The following DOCK2 variants were observed in gnomAD, a reference collection of about 807,000 sequenced individuals.
The protein encoded by DOCK2 is dedicator of cytokinesis 2, also known as dedicator of cytokinesis protein 2.
In DOCK2, 87 loss-of-function variants were observed where a neutral mutation model predicts 248.9. That is an observed-to-expected ratio of 0.35 (90% CI 0.29 to 0.42). The LOEUF is 0.42. Ranked by LOEUF, DOCK2 falls within the 10% of genes least tolerant of loss-of-function variation. The pLI is 1.00. For synonymous variants in DOCK2, 805 were observed against 821.6 expected (o/e 0.98, Z 0.35); for missense variants, 1,747 against 2,300.2 (o/e 0.76, Z 4.92).
chr5:169,830,437 C>T (rs1769151051), intron 26 of DOCK2, among the ~76,000 whole-genome samples: 1 of 152,150 alleles, frequency 6.6e-6, no homozygotes. Flanking sequence ...CAGCCCATTG[C>T]CCAGCACATA....
intron 32 of DOCK2, 124 bp from the exon 33 acceptor site, chr5:170,018,836 A>G (rs1397632885): frequency 4.8e-6 from 6 of 1,248,388 alleles, no homozygotes; most frequent in African/African-American, 1.5e-5. Flanking sequence ...GTAAACAACT[A>G]TATAAGTGTT....
intron 27 of DOCK2, among the ~76,000 whole-genome samples, chr5:169,852,587 G>A (rs1168014920): frequency 6.6e-6 from 1 of 152,158 alleles, no homozygotes; most frequent in Non-Finnish European, 1.5e-5. Context: ...GCTAGTAATG[G>A]TCATTACCTG....
rs752662425 is a variant in DOCK2 at position 170,019,001 on chromosome 5, A to G, written c.3274A>G (p.Ile1092Val). The change falls in exon 33 of 52, where the codon ATA (isoleucine) becomes GTA (valine). Residue 1092 changes from isoleucine (I) to valine (V), a missense_variant. Physicochemically the swap from Ile to Val is conservative, Grantham distance 29. Around this residue, in one of 4 missense-constraint regions of DOCK2, gnomAD observed 858 missense variants for 1,183.5 expected, o/e 0.72. Coordinates refer to ENST00000520908, the MANE Select transcript of DOCK2 (RefSeq NM_004946.3). ...CTTCATCCCAGGCATGGTAGGACCT[A>G]TATTAGAGATGACACTTATCCCTGA... The part of the protein sequence containing the change: ...ICFIPGMVGP[I>V]LEMTLIPEAE... 1.9e-5 allele frequency: 30 copies of G among 1,613,978 alleles called. No homozygotes were observed. Among genetic ancestry groups the G allele is most frequent in the Non-Finnish European group, 2.4e-5 (28 of 1,179,980 alleles).
intron 32 of DOCK2, 99 bp from the exon 33 acceptor site, chr5:170,018,861 C>T: frequency 2.1e-6 from 3 of 1,439,394 alleles, no homozygotes; most frequent in South Asian, 1.3e-5. Flanking sequence ...ATTGTTTTTA[C>T]TATTATGCTT....
chr5:170,068,446 A>G (rs1158837006), intron 45 of DOCK2, among the ~76,000 whole-genome samples: 1 of 152,196 alleles, frequency 6.6e-6, no homozygotes, highest in African/African-American at 2.4e-5. Context: ...TTCCTATGTT[A>G]TCCATTGATG....
rs1038716324 is a variant in DOCK2 at position 169,978,839 on chromosome 5, C to T, written c.2800-4229C>T. Among the ~76,000 whole-genome samples the T allele has an allele frequency of 2.6e-5, 4 of 152,310 alleles. No individual in the cohort carries two copies. In the East Asian group the frequency reaches 7.7e-4, roughly 29 times the overall value. On this transcript the variant is annotated intron_variant, in intron 27 of 51. Coordinates refer to ENST00000520908, the MANE Select transcript of DOCK2 (RefSeq NM_004946.3). ...CCTGCGATGATTGCACTTATTTTTA[C>T]ACGTTTGACCTAGTTTCAAACCGTG...
chr5:169,982,729 G>A (rs894827043), intron 27 of DOCK2, among the ~76,000 whole-genome samples: 3 of 152,234 alleles, frequency 2.0e-5, no homozygotes, highest in African/African-American at 7.2e-5. Flanking sequence ...TGCTCTAGAG[G>A]TAGATTCAGA....
At chr5:169,811,512 A>T (rs1280721428) in intron 26 of DOCK2, among the ~76,000 whole-genome samples, 1 of 152,188 alleles carries the variant, frequency 6.6e-6, no homozygotes, top group Non-Finnish European at 1.5e-5. Context: ...GTTGAAATAC[A>T]TGAGATCACT....
At chr5:169,971,428 CTTTT>C (rs34124700) in intron 27 of DOCK2, among the ~76,000 whole-genome samples, 314 of 135,180 alleles carry the variant, frequency 2.3e-3, no homozygotes, top group African/African-American at 6.2e-3. Context: ...CTCCTAGAGC[CTTTT>C]TTTTTTTTTT....
chr5:169,658,505 A>G (rs1436555901), intron 2 of DOCK2, among the ~76,000 whole-genome samples: 1 of 143,578 alleles, frequency 7.0e-6, no homozygotes, highest in Admixed American at 6.9e-5. Flanking sequence ...AAAAAAATGT[A>G]TTTATATAGT....
At chr5:169,953,099 G>T (rs191651044) in intron 27 of DOCK2, among the ~76,000 whole-genome samples, 45 of 152,186 alleles carry the variant, frequency 3.0e-4, no homozygotes, top group Admixed American at 2.9e-3. Flanking sequence ...TGAGGTGGGC[G>T]GATCACAAGG....
chr5:169,805,336 A>G (rs1258396046), intron 26 of DOCK2, among the ~76,000 whole-genome samples: 2 of 152,130 alleles, frequency 1.3e-5, no homozygotes, highest in African/African-American at 2.4e-5. Flanking sequence ...CAGGAGTTCA[A>G]GGTTTCCATG....
At chr5:169,669,409 C>T in intron 3 of DOCK2, 81 bp downstream of exon 3, 1 of 1,479,032 alleles carries the variant, frequency 6.8e-7, no homozygotes, top group Non-Finnish European at 9.4e-7. Flanking sequence ...AGGTCTCTCC[C>T]ACCATTGCTC....
intron 40 of DOCK2, among the ~76,000 whole-genome samples, chr5:170,048,094 G>A (rs953125320): frequency 2.0e-5 from 3 of 152,122 alleles, no homozygotes; most frequent in African/African-American, 7.2e-5. Flanking sequence ...TCATTTATTT[G>A]AAAATAACAA....
At chr5:169,967,387 G>C (rs1777341618) in intron 27 of DOCK2, among the ~76,000 whole-genome samples, 1 of 152,218 alleles carries the variant, frequency 6.6e-6, no homozygotes, top group South Asian at 2.1e-4. Context: ...TCTGGTAAAG[G>C]CAACAGCATG....
At chr5:169,982,935 A>G in intron 27 of DOCK2, 133 bp from the exon 28 acceptor site, 1 of 805,590 alleles carries the variant, frequency 1.2e-6, no homozygotes. Flanking sequence ...CACTGCTATT[A>G]CAGTCCCAGG....
intron 32 of DOCK2, among the ~76,000 whole-genome samples, chr5:170,012,454 C>T (rs895192400): frequency 6.6e-6 from 1 of 152,204 alleles, no homozygotes; most frequent in African/African-American, 2.4e-5. Context: ...TCAGTATCAT[C>T]ATCTTCTTCT....
intron 46 of DOCK2, among the ~76,000 whole-genome samples, chr5:170,069,973 C>T (rs1332294096): frequency 6.6e-6 from 1 of 152,164 alleles, no homozygotes; most frequent in Non-Finnish European, 1.5e-5. Flanking sequence ...ACATCTTACT[C>T]CTCTCTTGGC....
chr5:169,787,908 C>G lies in DOCK2; in HGVS notation c.2555-15150C>G, dbSNP rs34331718. Among the ~76,000 whole-genome samples, 1,291 of 152,054 alleles carry G rather than the reference C, an allele frequency of 8.5e-3. 21 individuals carry two copies. The highest frequency in any genetic ancestry group is 0.029 in the African/African-American group (1,223 of 41,464). ...AATAAAATTAAGAAGCCACTCTCTG[C>G]TAAATGCATTGTAATTGCCCATGGG... On this transcript the variant is annotated intron_variant, in intron 25 of 51. Transcript: ENST00000520908.
Sources: allele counts gnomAD v4.1 joint callset (sites outside exome capture counted in the v4.1 genomes callset), GRCh38; gene constraint gnomAD v4.1.1; regional missense constraint gnomAD v4.1.1; transcripts MANE v1.5; gene names NCBI Gene and HGNC (gene_info 2026-07-23, HGNC 2026-07-21).